Variants in TMEM74 observed in about 807,000 individuals in gnomAD.
The protein encoded by TMEM74 is transmembrane protein 74.
Under a neutral mutation model 18.1 loss-of-function variants are expected in TMEM74, and 13 were observed. The ratio of observed to expected loss-of-function variants is 0.72; its 90% CI spans 0.47 to 1.14. TMEM74 has a LOEUF of 1.14. Among genes scored for constraint, TMEM74 ranks in the 50% most tolerant of loss-of-function variants. The pLI is 0.00. For synonymous variants in TMEM74, 159 were observed against 146.6 expected (o/e 1.08, Z -0.61); for missense variants, 372 against 375.9 (o/e 0.99, Z 0.09).
chr8:108,655,959 AGG>A (rs1232818214), intron 1 of TMEM74, among the ~76,000 whole-genome samples: 1 of 152,174 alleles, frequency 6.6e-6, no homozygotes, highest in Non-Finnish European at 1.5e-5. Flanking sequence ...AAGTTTAAAA[AGG>A]CTGGGCACAG....
chr8:108,778,136 C>G (rs1215929178), downstream of TMEM74, among the ~76,000 whole-genome samples: 1 of 152,158 alleles, frequency 6.6e-6, no homozygotes, highest in Non-Finnish European at 1.5e-5. Context: ...GATACATACT[C>G]TGCTTGAACA....
In TMEM74 at chr8:108,784,827, T is replaced by C; in HGVS notation, c.272A>G (p.Asn91Ser). The change falls in exon 2 of 2, where the codon AAC (asparagine) becomes AGC (serine). Residue 91 changes from asparagine (N) to serine (S), a missense_variant. Physicochemically the swap from Asn to Ser is conservative, Grantham distance 46. Coordinates refer to ENST00000297459, the MANE Select transcript of TMEM74 (RefSeq NM_153015.3). ...FPPGLLHSGN[N>S]QITAERKVCN... Reference sequence around the variant, plus strand: ...GACTTTCCGTTCCGCTGTTATTTGGTTGTTCCCTGAGTGGAGAAGTCCTGG... The same window carrying C: ...GACTTTCCGTTCCGCTGTTATTTGGCTGTTCCCTGAGTGGAGAAGTCCTGG... 6.2e-7 allele frequency: 1 copy of C among 1,614,176 alleles called. No individual in the cohort carries two copies. The highest frequency in any genetic ancestry group is 8.5e-7 in the Non-Finnish European group (1 of 1,180,024).
chr8:108,732,228 T>C (rs1045796700), intron 1 of TMEM74, among the ~76,000 whole-genome samples: 1 of 152,124 alleles, frequency 6.6e-6, no homozygotes, highest in African/African-American at 2.4e-5. Context: ...TACAAAACAG[T>C]GCTGAGTGAA....
intron 1 of TMEM74, among the ~76,000 whole-genome samples, chr8:108,755,225 G>A (rs1813947985): frequency 1.3e-5 from 2 of 152,030 alleles, no homozygotes; most frequent in Non-Finnish European, 1.5e-5. Context: ...CTAACTACCT[G>A]AGTGAGGCTT....
At chr8:108,785,473 G>A (rs769527357) in intron 1 of TMEM74, among the ~76,000 whole-genome samples, 3 of 152,170 alleles carry the variant, frequency 2.0e-5, no homozygotes, top group Non-Finnish European at 4.4e-5. Context: ...TCCCTCAAAC[G>A]AGAAGGCAAG....
rs922191376 is a variant in TMEM74 at position 108,718,972 on chromosome 8, ATATATATATACG to A, written n.120-63547_120-63536del. On this transcript the variant is annotated intron_variant and non_coding_transcript_variant, in intron 1 of 3. Transcript: ENST00000518838. ...CTAGTTAATAACATTTTGTGTGTGTATATATATATACGTATATATACGTATATATACACATAT... is the reference window on the plus strand; with the variant it reads ...CTAGTTAATAACATTTTGTGTGTGTATATATATACGTATATATACACATAT... Among the ~76,000 whole-genome samples the A allele has an allele frequency of 8.3e-4, 48 of 57,956 alleles. No homozygotes were observed. In the South Asian group the frequency reaches 0.017, roughly 20 times the overall value. The allele number at this position is 57,956 out of a possible 152,430, so 38.0% of individuals were successfully genotyped here. A position where few individuals can be genotyped will look rare whatever the true frequency, so the allele number is the denominator to read the frequency against.
Position 108,786,182 on chromosome 8 carries a change from G to GT in TMEM74, c.-39-1046dup, listed in dbSNP as rs1274499036. Among the ~76,000 whole-genome samples, 3 of 152,252 alleles carry GT rather than the reference G, an allele frequency of 2.0e-5. No individual in the cohort carries two copies. In the East Asian group the frequency reaches 5.8e-4, roughly 29 times the overall value. On this transcript the variant is annotated intron_variant, in intron 1 of 1. Coordinates refer to ENST00000297459, the MANE Select transcript of TMEM74 (RefSeq NM_153015.3). ...AAATAGGTGAGAAGCTATTTCCAAG[G>GT]TTACCTCTGTAATTTTATAAACATG... is the stretch of plus-strand genomic sequence containing the variant.
intron 1 of TMEM74, among the ~76,000 whole-genome samples, chr8:108,709,251 A>G (rs1813451049): frequency 6.6e-6 from 1 of 152,196 alleles, no homozygotes; most frequent in South Asian, 2.1e-4. Flanking sequence ...ACCATTATTC[A>G]CAGTAACCAA....
intron 1 of TMEM74, among the ~76,000 whole-genome samples, chr8:108,698,711 C>T (rs1052965346): frequency 6.6e-6 from 1 of 152,148 alleles, no homozygotes; most frequent in African/African-American, 2.4e-5. Context: ...CCATTTCATA[C>T]CCTCTGTCAC....
At chr8:108,647,323 T>C (rs1257395567) in intron 2 of TMEM74, among the ~76,000 whole-genome samples, 4 of 152,196 alleles carry the variant, frequency 2.6e-5, no homozygotes, top group Admixed American at 2.6e-4. Flanking sequence ...GCCTTAGAGA[T>C]GTCTAGTTTG....
At chr8:108,743,604 TTG>T (rs1416971512) in intron 1 of TMEM74, among the ~76,000 whole-genome samples, 1 of 152,178 alleles carries the variant, frequency 6.6e-6, no homozygotes, top group Non-Finnish European at 1.5e-5. Context: ...TTTTATAGCA[TTG>T]TAAAGTTACC....
chr8:108,657,001 C>A (rs984354617), intron 1 of TMEM74, among the ~76,000 whole-genome samples: 1 of 151,958 alleles, frequency 6.6e-6, no homozygotes, highest in African/African-American at 2.4e-5. Flanking sequence ...CAAATGTAAA[C>A]CTCTTTTCTT....
At chr8:108,632,781 A>G (rs748143359) in intron 2 of TMEM74, among the ~76,000 whole-genome samples, 8 of 152,028 alleles carry the variant, frequency 5.3e-5, no homozygotes, top group Non-Finnish European at 8.8e-5. Context: ...TGAGTAAGTC[A>G]GTAACCTAAT....
At chr8:108,736,802 G>A (rs1037395015) in intron 1 of TMEM74, among the ~76,000 whole-genome samples, 2 of 152,000 alleles carry the variant, frequency 1.3e-5, no homozygotes, top group Admixed American at 1.3e-4. Flanking sequence ...TCACACTAGT[G>A]GGCTGTATGA....
rs539484385 is a variant in TMEM74, at chr8:108,692,769, C to T, written n.120-37332G>A. ...CTTGATCTTTTCCAGCATCTTCTGTCACAATGAATGGTACCACCATGAATC... is the reference window on the plus strand; with the variant it reads ...CTTGATCTTTTCCAGCATCTTCTGTTACAATGAATGGTACCACCATGAATC... On this transcript the variant is annotated intron_variant and non_coding_transcript_variant, in intron 1 of 3. Transcript: ENST00000518838. Among the ~76,000 whole-genome samples, 17 of 152,288 alleles carry T rather than the reference C, an allele frequency of 1.1e-4. 1 individual carries two copies. In the South Asian group the frequency reaches 3.3e-3, roughly 30 times the overall value.
downstream of TMEM74, among the ~76,000 whole-genome samples, chr8:108,775,500 C>T (rs1814222864): frequency 1.3e-5 from 2 of 152,122 alleles, no homozygotes; most frequent in Non-Finnish European, 2.9e-5. Flanking sequence ...GTTACTTGCT[C>T]CCATCAGTTC....
intron 2 of TMEM74, among the ~76,000 whole-genome samples, chr8:108,636,938 G>A (rs983088260): frequency 1.3e-5 from 2 of 151,970 alleles, no homozygotes; most frequent in African/African-American, 2.4e-5. Context: ...GACCATGATC[G>A]GTCAAGTCAA....
rs375056069 is a variant in TMEM74, at chr8:108,784,042, C to CA, written c.*138dup. On this transcript the variant is annotated 3_prime_UTR_variant, in exon 2 of 2. Transcript: ENST00000297459. The stretch of plus-strand genomic sequence containing the variant: ...TTCTAAATAGAAGACACATAGAGAA[C>CA]AAAAACACTTACTGGCTGTTGGTTT... 27 of 740,582 alleles carry CA rather than the reference C, an allele frequency of 3.6e-5. No individual in the cohort carries two copies. In the African/African-American group the frequency reaches 4.3e-4, roughly 12 times the overall value. The allele number at this position is 740,582 out of a possible 1,614,324, so 45.9% of individuals were successfully genotyped here.
intron 1 of TMEM74, among the ~76,000 whole-genome samples, chr8:108,685,631 C>G (rs1398172492): frequency 2.0e-5 from 3 of 152,060 alleles, no homozygotes; most frequent in Non-Finnish European, 4.4e-5. Flanking sequence ...CTAATTCTAT[C>G]ATGACAACTG....
Sources: allele counts gnomAD v4.1 joint callset (sites outside exome capture counted in the v4.1 genomes callset), GRCh38; gene constraint gnomAD v4.1.1; transcripts MANE v1.5; gene names NCBI Gene and HGNC (gene_info 2026-07-23, HGNC 2026-07-21).